The following LPP variants were observed in gnomAD, a reference collection of about 807,000 sequenced individuals.
The protein encoded by LPP is lipoma-preferred partner.
LPP carries 38 observed loss-of-function variants against 60.4 expected under a neutral mutation model. The observed-to-expected ratio is 0.63, with a 90% confidence interval of 0.49 to 0.83. The LOEUF (loss-of-function observed/expected upper bound fraction) is 0.83, where lower values mean the gene tolerates loss of function less well. LPP is among the 40% of genes least tolerant of loss of function. The pLI, the probability that LPP is intolerant of heterozygous loss-of-function variation, is 0.00. For synonymous variants in LPP, 328 were observed against 290.8 expected (o/e 1.13, Z -1.30); for missense variants, 902 against 783.6 (o/e 1.15, Z -1.80).
At chr3:188,834,961 G>A (rs915599052) in intron 9 of LPP, among the ~76,000 whole-genome samples, 6 of 152,166 alleles carry the variant, frequency 3.9e-5, no homozygotes, top group African/African-American at 1.4e-4. Flanking sequence ...ACTGATCTCT[G>A]AGAGAGGAAC....
intron 9 of LPP, among the ~76,000 whole-genome samples, chr3:188,843,709 C>G (rs1253802820): frequency 6.8e-6 from 1 of 146,782 alleles, no homozygotes. Context: ...ATGGCGTGAA[C>G]CCGGGAGGCG....
intron 2 of LPP, among the ~76,000 whole-genome samples, chr3:188,264,450 C>T (rs899750136): frequency 3.9e-5 from 6 of 152,076 alleles, no homozygotes; most frequent in South Asian, 2.1e-4. Flanking sequence ...ATGTTATTCT[C>T]TGAATCATAA....
chr3:188,598,987 A>C (rs1580279786), intron 6 of LPP, among the ~76,000 whole-genome samples: 1 of 152,266 alleles, frequency 6.6e-6, no homozygotes, highest in East Asian at 1.9e-4. Context: ...TGCTTCAGCA[A>C]ACGAGGTCGC....
At chr3:188,844,151 C>T (rs1350923706) in intron 9 of LPP, among the ~76,000 whole-genome samples, 1 of 152,168 alleles carries the variant, frequency 6.6e-6, no homozygotes, top group African/African-American at 2.4e-5. Context: ...CTGTCTTCCT[C>T]CCATGCTTAA....
chr3:188,407,784 G>GTTTTTTTTTTTTTTTTTT (rs1397646143), intron 4 of LPP, among the ~76,000 whole-genome samples: 42 of 114,826 alleles, frequency 3.7e-4, no homozygotes, highest in Non-Finnish European at 4.9e-4. Flanking sequence ...TTTTTTGTTT[G>GTTTTTTTTTTTTTTTTTT]TTTGTTTTTT....
intron 9 of LPP, among the ~76,000 whole-genome samples, chr3:188,793,285 G>A (rs1262066905): frequency 2.0e-5 from 3 of 151,222 alleles, no homozygotes; most frequent in African/African-American, 7.3e-5. Context: ...GAGCTCAAGC[G>A]ATTCTCCTGC....
chr3:188,791,095 G>GCAGT (rs1006820262), intron 9 of LPP, among the ~76,000 whole-genome samples: 1 of 152,030 alleles, frequency 6.6e-6, no homozygotes, highest in African/African-American at 2.4e-5. Flanking sequence ...CTTGTATCTT[G>GCAGT]CAGTCTGTCA....
chr3:188,760,380 T>C (rs1234344491), intron 9 of LPP, 98 bp downstream of exon 9: 2 of 1,319,234 alleles, frequency 1.5e-6, no homozygotes, highest in African/African-American at 1.4e-5. Context: ...GATCTTTGCT[T>C]CTTCCTAGAC....
chr3:188,578,731 C>T (rs978053823), intron 6 of LPP, among the ~76,000 whole-genome samples: 2 of 151,908 alleles, frequency 1.3e-5, no homozygotes, highest in Admixed American at 6.6e-5. Context: ...CTCATCCGTC[C>T]GACCCTCTCT....
intron 3 of LPP, among the ~76,000 whole-genome samples, chr3:188,374,520 G>T (rs1774343037): frequency 6.6e-6 from 1 of 152,164 alleles, no homozygotes; most frequent in African/African-American, 2.4e-5. Context: ...GTCTGTTATT[G>T]GTGTATAAGA....
chr3:188,527,576 G>T (rs1820984220), intron 6 of LPP, among the ~76,000 whole-genome samples: 1 of 152,022 alleles, frequency 6.6e-6, no homozygotes, highest in Admixed American at 6.6e-5. Flanking sequence ...TCAGAAAAAT[G>T]TTCTCCAGCA....
intron 3 of LPP, among the ~76,000 whole-genome samples, chr3:188,379,072 A>G (rs1189316086): frequency 1.3e-5 from 2 of 152,038 alleles, no homozygotes; most frequent in Non-Finnish European, 2.9e-5. Flanking sequence ...CCAGGCCAAG[A>G]TAAGGACCAT....
chr3:188,870,167 T>C (rs1328888223), intron 10 of LPP, among the ~76,000 whole-genome samples: 2 of 151,288 alleles, frequency 1.3e-5, no homozygotes, highest in Admixed American at 6.6e-5. Context: ...CATATGTGTG[T>C]TTGTGTATAT....
At chr3:188,751,666 G>A (rs1728110706) in intron 8 of LPP, among the ~76,000 whole-genome samples, 1 of 152,160 alleles carries the variant, frequency 6.6e-6, no homozygotes, top group Non-Finnish European at 1.5e-5. Flanking sequence ...CCCAATTCCA[G>A]CTTCAATATT....
At chr3:188,488,729 C>T (rs1258942306) in intron 5 of LPP, among the ~76,000 whole-genome samples, 1 of 151,984 alleles carries the variant, frequency 6.6e-6, no homozygotes, top group African/African-American at 2.4e-5. Flanking sequence ...CTCCACCTCC[C>T]AGGTTCAAGC....
intron 8 of LPP, among the ~76,000 whole-genome samples, chr3:188,741,510 T>C (rs1724421111): frequency 6.6e-6 from 1 of 152,020 alleles, no homozygotes; most frequent in Non-Finnish European, 1.5e-5. Context: ...TAGGGAGAAC[T>C]GACACTTTAA....
intron 6 of LPP, among the ~76,000 whole-genome samples, chr3:188,574,970 G>A (rs1834292677): frequency 6.6e-6 from 1 of 151,708 alleles, no homozygotes; most frequent in African/African-American, 2.4e-5. Context: ...TCTTCCTTGA[G>A]GGGAATCGTG....
intron 3 of LPP, among the ~76,000 whole-genome samples, chr3:188,377,907 T>G (rs1775658526): frequency 6.6e-6 from 1 of 152,148 alleles, no homozygotes. Context: ...TGTCTGTTTG[T>G]TAGTTTTCCT....
intron 10 of LPP, among the ~76,000 whole-genome samples, chr3:188,869,600 G>A (rs898072612): frequency 2.0e-5 from 3 of 152,150 alleles, no homozygotes; most frequent in South Asian, 2.1e-4. Context: ...CTTAGTCTGC[G>A]TTTTAAACCA....
Sources: allele counts gnomAD v4.1 joint callset (sites outside exome capture counted in the v4.1 genomes callset), GRCh38; gene constraint gnomAD v4.1.1; transcripts MANE v1.5; gene names NCBI Gene and HGNC (gene_info 2026-07-23, HGNC 2026-07-21).